CTNNA2: variants seen among roughly 807,000 people sequenced by gnomAD.
The protein encoded by CTNNA2 is catenin alpha-2.
CTNNA2 carries 42 observed loss-of-function variants against 101.0 expected under a neutral mutation model. The ratio of observed to expected loss-of-function variants is 0.42; its 90% CI spans 0.32 to 0.54. The LOEUF is 0.54. CTNNA2 is among the 20% of genes least tolerant of loss of function. The probability of loss-of-function intolerance (pLI) is 0.14; values close to 1 mark genes in which losing one functional copy is unlikely to be tolerated. For synonymous variants in CTNNA2, 450 were observed against 456.4 expected (o/e 0.99, Z 0.18); for missense variants, 871 against 1,223.1 (o/e 0.71, Z 4.29).
intron 4 of CTNNA2, among the ~76,000 whole-genome samples, chr2:79,399,673 T>A (rs2104479533): frequency 6.6e-6 from 1 of 152,140 alleles, no homozygotes; most frequent in Middle Eastern, 3.4e-3. Context: ...TACATCATTT[T>A]AAATGTCCAG....
chr2:79,267,606 C>T (rs1257082267), intron 2 of CTNNA2, among the ~76,000 whole-genome samples: 1 of 152,124 alleles, frequency 6.6e-6, no homozygotes, highest in Non-Finnish European at 1.5e-5. Context: ...TTCTCTCTTA[C>T]AGACTGATCA....
chr2:80,284,619 TCA>T (rs140605994), intron 7 of CTNNA2, among the ~76,000 whole-genome samples: 19,809 of 151,226 alleles, frequency 0.13, 3,260 homozygotes, highest in African/African-American at 0.39. Flanking sequence ...TGACATTCAA[TCA>T]CACATTTTTT....
At chr2:79,961,365 T>G (rs1689613372) in intron 7 of CTNNA2, among the ~76,000 whole-genome samples, 1 of 152,174 alleles carries the variant, frequency 6.6e-6, no homozygotes, top group Non-Finnish European at 1.5e-5. Flanking sequence ...TATCACCCAG[T>G]GCTTGAGGCA....
intron 7 of CTNNA2, among the ~76,000 whole-genome samples, chr2:80,378,359 AAAATAAATAAATAAATAAAT>A (rs70940081): frequency 4.4e-4 from 56 of 126,930 alleles, no homozygotes; most frequent in South Asian, 8.7e-4. Flanking sequence ...TCTGTCTCAA[AAAATAAATAAATAAATAAAT>A]AAATAAATAA....
chr2:80,120,830 G>A (rs894973373), intron 7 of CTNNA2, among the ~76,000 whole-genome samples: 6 of 152,156 alleles, frequency 3.9e-5, no homozygotes, highest in African/African-American at 1.4e-4. Context: ...GGGATGGTTG[G>A]TTCAGAGTAG....
chr2:80,496,726 G>T (rs1687504846), intron 9 of CTNNA2, among the ~76,000 whole-genome samples: 2 of 152,130 alleles, frequency 1.3e-5, no homozygotes, highest in African/African-American at 4.8e-5. Context: ...TTCATGACTT[G>T]CATTGCTGCT....
chr2:80,555,929 T>C, intron 12 of CTNNA2, 36 bp downstream of exon 12: 4 of 1,321,062 alleles, frequency 3.0e-6, no homozygotes, highest in Non-Finnish European at 4.0e-6. Context: ...AAAATGTTAA[T>C]GCCTTGATTA....
intron 3 of CTNNA2, among the ~76,000 whole-genome samples, chr2:79,801,579 C>CAT (rs762727998): frequency 8.5e-6 from 1 of 117,966 alleles, no homozygotes; most frequent in Non-Finnish European, 1.6e-5. Flanking sequence ...AGTAGCAGTG[C>CAT]ATACGGGGGC....
At chr2:80,636,620 T>C (rs935994798) in intron 18 of CTNNA2, among the ~76,000 whole-genome samples, 1 of 152,174 alleles carries the variant, frequency 6.6e-6, no homozygotes, top group Admixed American at 6.6e-5. Flanking sequence ...TATTTATAAA[T>C]GATATTCTTA....
Position 79,188,891 on chromosome 2 carries a change from A to G in CTNNA2, c.-524+3460A>G, listed in dbSNP as rs1453022872. On this transcript the variant is annotated intron_variant, in intron 1 of 21. Transcript: ENST00000466387. The stretch of plus-strand genomic sequence containing the variant: ...TCCACTCCATTGAAAGCAATACACA[A>G]TGTTATTTATTTGATTAAAGTAGTT... Among the ~76,000 whole-genome samples, 94 of 152,196 alleles carry G rather than the reference A, an allele frequency of 6.2e-4. 1 individual carries two copies. The highest frequency in any genetic ancestry group is 2.9e-5 in the Non-Finnish European group (2 of 68,036).
chr2:79,894,597 G>A (rs1684570977), intron 6 of CTNNA2, among the ~76,000 whole-genome samples: 1 of 151,986 alleles, frequency 6.6e-6, no homozygotes, highest in Non-Finnish European at 1.5e-5. Flanking sequence ...CCATGTGTTG[G>A]CCCTCATGGG....
intron 7 of CTNNA2, among the ~76,000 whole-genome samples, chr2:80,266,277 G>A (rs1262152367): frequency 6.6e-6 from 1 of 152,248 alleles, no homozygotes; most frequent in Non-Finnish European, 1.5e-5. Flanking sequence ...TCTTGCCTAA[G>A]GGACCTCCAT....
intron 4 of CTNNA2, among the ~76,000 whole-genome samples, chr2:79,479,347 C>T (rs1041823913): frequency 6.6e-6 from 1 of 152,210 alleles, no homozygotes; most frequent in Admixed American, 6.5e-5. Flanking sequence ...CCCGCTAACC[C>T]TCTTTGACTC....
chr2:80,297,106 A>G (rs921889106), intron 7 of CTNNA2, among the ~76,000 whole-genome samples: 2 of 152,206 alleles, frequency 1.3e-5, no homozygotes, highest in Admixed American at 1.3e-4. Context: ...GCATTGCCCA[A>G]TTACCAGTGA....
At chr2:79,958,612 G>T (rs1689407968) in intron 7 of CTNNA2, among the ~76,000 whole-genome samples, 1 of 152,152 alleles carries the variant, frequency 6.6e-6, no homozygotes, top group Non-Finnish European at 1.5e-5. Flanking sequence ...AGGAATGCCG[G>T]TCTCCTAACA....
At chr2:79,418,678 G>A (rs905472435) in intron 4 of CTNNA2, among the ~76,000 whole-genome samples, 7 of 152,086 alleles carry the variant, frequency 4.6e-5, no homozygotes, top group East Asian at 1.9e-4. Context: ...TCTCTCTGCC[G>A]TCATCTGCAT....
At chr2:80,027,269 C>T (rs1239323909) in intron 7 of CTNNA2, among the ~76,000 whole-genome samples, 1 of 152,108 alleles carries the variant, frequency 6.6e-6, no homozygotes, top group Non-Finnish European at 1.5e-5. Flanking sequence ...ACAGCCAGCA[C>T]AAAGGCCCGA....
chr2:79,408,905 C>T (rs996851207), intron 4 of CTNNA2, among the ~76,000 whole-genome samples: 1 of 150,610 alleles, frequency 6.6e-6, no homozygotes, highest in Non-Finnish European at 1.5e-5. Context: ...AACTAGTTTA[C>T]AGTCCCACCA....
At chr2:79,759,053 A>G (rs1211385360) in intron 3 of CTNNA2, among the ~76,000 whole-genome samples, 3 of 152,338 alleles carry the variant, frequency 2.0e-5, no homozygotes, top group East Asian at 1.9e-4. Flanking sequence ...AGCTAAGCAG[A>G]CACATTAATC....
Sources: allele counts gnomAD v4.1 joint callset (sites outside exome capture counted in the v4.1 genomes callset), GRCh38; gene constraint gnomAD v4.1.1; transcripts MANE v1.5; gene names NCBI Gene and HGNC (gene_info 2026-07-23, HGNC 2026-07-21).